Variants in CAPN14 observed in about 807,000 individuals in gnomAD.
CAPN14 encodes calpain-14.
A neutral mutation model predicts 101.3 loss-of-function variants in CAPN14; 94 were observed. The observed-to-expected ratio is 0.93, with a 90% CI of 0.79 to 1.10. The LOEUF is 1.10. CAPN14 is among the 50% of genes least tolerant of loss of function. The pLI is 0.00. For missense variants in CAPN14, 837 were observed against 828.4 expected (o/e 1.01, Z -0.13); for synonymous variants, 338 against 317.9 (o/e 1.06, Z -0.67).
chr2:31,233,638 G>GGAAT, intron 1 of CAPN14, among the ~76,000 whole-genome samples: 2 of 152,206 alleles, frequency 1.3e-5, no homozygotes, highest in South Asian at 4.2e-4. Context: ...TTGTTTTGCT[G>GGAAT]GAATGAATGA....
intron 3 of CAPN14, among the ~76,000 whole-genome samples, chr2:31,202,574 G>A (rs1681850167): frequency 6.6e-6 from 1 of 152,076 alleles, no homozygotes; most frequent in African/African-American, 2.4e-5. Context: ...CTCTGAAACT[G>A]ATTTATGTTC....
Position 31,197,286 on chromosome 2 carries a change from A to T in CAPN14, c.838T>A (p.Trp280Arg). The T allele has an allele frequency of 6.4e-7, 1 of 1,551,248 alleles. No individual in the cohort carries two copies. The highest frequency in any genetic ancestry group is 8.7e-7 in the Non-Finnish European group (1 of 1,146,234). Residue 280 changes from tryptophan (W) to arginine (R), a missense_variant, in exon 8 of 22, where the codon TGG becomes AGG. Coordinates refer to ENST00000403897, the MANE Select transcript of CAPN14 (RefSeq NM_001145122.2). Reference protein sequence around the residue: ...PEYLVKLRNPWGKVEWKGDWS... With the variant: ...PEYLVKLRNPRGKVEWKGDWS... ...TCTCCTTTCCATTCCACCTTTCCCC[A>T]GGGGTTCCGTAGCTTGACGAGATAT... is the stretch of plus-strand genomic sequence containing the variant.
chr2:31,212,877 T>A (rs908798764), intron 1 of CAPN14, among the ~76,000 whole-genome samples: 9 of 152,222 alleles, frequency 5.9e-5, no homozygotes, highest in Non-Finnish European at 1.2e-4. Flanking sequence ...TCCTGGGGGA[T>A]GATGGATTTC....
chr2:31,189,156 C>T (rs1681053321), intron 13 of CAPN14, 117 bp downstream of exon 13: 2 of 873,812 alleles, frequency 2.3e-6, no homozygotes, highest in Admixed American at 2.1e-5. Flanking sequence ...CTGCTCTCCC[C>T]ATCTCCCTTT....
At chr2:31,227,778 G>A (rs754732) in intron 1 of CAPN14, among the ~76,000 whole-genome samples, 38,466 of 152,178 alleles carry the variant, frequency 0.25, 5,133 homozygotes, top group East Asian at 0.46. Context: ...AATGAGTACA[G>A]CACTGCGTCA....
chr2:31,233,686 C>G (rs565045969), intron 1 of CAPN14: 11 of 152,106 alleles, frequency 7.2e-5, no homozygotes, highest in African/African-American at 2.7e-4. Context: ...CACCCTAAGC[C>G]TAGCTAAAAG....
At chr2:31,184,176 C>T (rs1383426877) in intron 16 of CAPN14, among the ~76,000 whole-genome samples, 1 of 152,216 alleles carries the variant, frequency 6.6e-6, no homozygotes, top group Non-Finnish European at 1.5e-5. Flanking sequence ...AGCCACCGCG[C>T]CCGGCCCTCC....
chr2:31,198,805 A>T (rs749102340), intron 7 of CAPN14, among the ~76,000 whole-genome samples: 3 of 152,090 alleles, frequency 2.0e-5, no homozygotes, highest in Non-Finnish European at 2.9e-5. Flanking sequence ...TGCTCCCTCC[A>T]CCAGAATGCC....
Position 31,174,565 on chromosome 2 carries a change from C to T in CAPN14, c.*116G>A, listed in dbSNP as rs145941387. ...ACCTTCCCAGCTGAGAAGGTGACGG[C>T]TAGTGAGGCTGTCCTGAAGATCAGT... is the stretch of plus-strand genomic sequence containing the variant. On this transcript the variant is annotated 3_prime_UTR_variant, in exon 22 of 22. Transcript: ENST00000403897. 3.7e-4 allele frequency: 401 copies of T among 1,080,522 alleles called. 1 individual carries two copies. The East Asian group carries it at 9.5e-3, about 26-fold the overall frequency. 66.9% of individuals were successfully genotyped at this position (1,080,522 alleles called of 1,614,324 possible).
chr2:31,219,532 G>A (rs200014689), upstream of CAPN14, among the ~76,000 whole-genome samples: 6 of 152,208 alleles, frequency 3.9e-5, no homozygotes, highest in Admixed American at 2.6e-4. Flanking sequence ...TTACTTTCCC[G>A]TGGAAACAAG....
chr2:31,193,182 C>T lies in CAPN14; in HGVS notation c.1063G>A (p.Gly355Arg). The change falls in exon 10 of 22, where the codon GGG becomes AGG. Residue 355 changes from glycine (G) to arginine (R), a missense_variant. Coordinates refer to ENST00000403897, the MANE Select transcript of CAPN14 (RefSeq NM_001145122.2). ...GCTGTGCTCCGCTTCTCCCATCTCCCCTCCCGCATGGTGTACGTCCACTTC... is the reference window on the plus strand; with the variant it reads ...GCTGTGCTCCGCTTCTCCCATCTCCTCTCCCGCATGGTGTACGTCCACTTC... Reference protein sequence around the residue: ...AQKWTYTMREGRWEKRSTAGG... With the variant: ...AQKWTYTMRERRWEKRSTAGG... 6.4e-7 allele frequency: 1 copy of T among 1,551,632 alleles called. No individual in the cohort carries two copies. The highest frequency in any genetic ancestry group is 8.7e-7 in the Non-Finnish European group (1 of 1,147,000).
chr2:31,175,824 T>A (rs1680261053), intron 21 of CAPN14, among the ~76,000 whole-genome samples: 1 of 152,146 alleles, frequency 6.6e-6, no homozygotes, highest in African/African-American at 2.4e-5. Flanking sequence ...GGTTGCAGAA[T>A]AAAAGAGCAG....
In CAPN14 at chr2:31,188,436, G is replaced by A. The variant is rs375605276; in HGVS notation, c.1494-82C>T. The A allele has an allele frequency of 1.5e-3, 1,905 of 1,271,308 alleles. 4 individuals carry two copies. The highest frequency in any genetic ancestry group is 2.9e-3 in the South Asian group (230 of 78,196). The allele number at this position is 1,271,308 out of a possible 1,614,324, so 78.8% of individuals were successfully genotyped here. On this transcript the variant is annotated intron_variant, in intron 13 of 21. Transcript: ENST00000403897. ...AATCTTCCCCTTCTCCTGGGAGCTC[G>A]TCTTCCACGTTCCTTCACTGAGGCA... is the stretch of plus-strand genomic sequence containing the variant.
intron 14 of CAPN14, 130 bp from the exon 15 acceptor site, chr2:31,187,944 T>C (rs1388343896): frequency 2.7e-6 from 2 of 751,386 alleles, no homozygotes; most frequent in Non-Finnish European, 4.4e-6. Flanking sequence ...TCTTTAATTT[T>C]ACACCATAGC....
chr2:31,194,260 C>T (rs1681359747), intron 9 of CAPN14, 149 bp downstream of exon 9: 1 of 625,384 alleles, frequency 1.6e-6, no homozygotes, highest in African/African-American at 1.8e-5. Flanking sequence ...CACTGTTTGT[C>T]CTGCTAGACC....
chr2:31,193,059 C>A (rs1681277347), intron 10 of CAPN14, 72 bp downstream of exon 10: 2 of 1,412,704 alleles, frequency 1.4e-6, no homozygotes, highest in South Asian at 1.3e-5. Context: ...TGCTGCAACC[C>A]CCTGTGCAGT....
chr2:31,207,181 GGAGT>G (rs1378633118), intron 1 of CAPN14, among the ~76,000 whole-genome samples: 3 of 152,120 alleles, frequency 2.0e-5, no homozygotes, highest in African/African-American at 7.2e-5. Context: ...CATGGCTGTA[GGAGT>G]GACCTGGGGT....
intron 1 of CAPN14, 71 bp from the exon 2 acceptor site, chr2:31,205,570 G>C (rs928988942): frequency 1.3e-6 from 1 of 791,526 alleles, no homozygotes; most frequent in Non-Finnish European, 2.1e-6. Flanking sequence ...AGAGACGAGG[G>C]GAAGGATGGA....
chr2:31,212,318 A>AAC (rs1682442919), intron 1 of CAPN14, among the ~76,000 whole-genome samples: 2 of 151,304 alleles, frequency 1.3e-5, no homozygotes, highest in African/African-American at 4.9e-5. Context: ...AAAACAAAAA[A>AAC]AAAAAAAAAC....
Sources: gnomAD v4.1 joint callset for allele counts (sites outside exome capture counted in the v4.1 genomes callset) on GRCh38, gnomAD v4.1.1 for gene constraint, MANE v1.5 for transcripts, NCBI Gene and HGNC (gene_info 2026-07-23, HGNC 2026-07-21) for gene names.